Variants in FIG4 observed in about 807,000 individuals in gnomAD.
FIG4 encodes polyphosphoinositide phosphatase.
In FIG4, 112 loss-of-function variants were observed where a neutral mutation model predicts 118.6. The ratio of observed to expected loss-of-function variants is 0.94; its 90% CI spans 0.81 to 1.11. The LOEUF is 1.11. Ranked by LOEUF, FIG4 falls within the 50% of genes least tolerant of loss-of-function variation. FIG4 has a pLI of 0.00. For synonymous variants in FIG4, 369 were observed against 381.2 expected, an observed-to-expected ratio of 0.97 and a Z score of 0.37; for missense variants, 969 against 1,111.7, an observed-to-expected ratio of 0.87 and a Z score of 1.83.
chr6:109,802,873 C>G (rs564375884), intron 22 of FIG4, among the ~76,000 whole-genome samples: 20 of 152,310 alleles, frequency 1.3e-4, no homozygotes, highest in Non-Finnish European at 2.5e-4. Context: ...GTAAGAAGCT[C>G]CCAGCTGAAA....
At chr6:109,807,055 G>A (rs970478267) in intron 22 of FIG4, among the ~76,000 whole-genome samples, 2 of 152,020 alleles carry the variant, frequency 1.3e-5, no homozygotes, top group African/African-American at 4.8e-5. Context: ...AATAATGTGT[G>A]CACACAATAA....
chr6:109,818,356 A>G (rs1321961366), intron 22 of FIG4, among the ~76,000 whole-genome samples: 1 of 151,984 alleles, frequency 6.6e-6, no homozygotes, highest in Admixed American at 6.5e-5. Flanking sequence ...ATGCACCACC[A>G]TGCCCGGCTA....
In FIG4 at chr6:109,716,433, G is replaced by A; in HGVS notation, c.166-12G>A. On this transcript the variant is annotated splice_polypyrimidine_tract_variant and intron_variant, in intron 2 of 22. Transcript: ENST00000230124. ...AAGCACAACCTTACAGAGTAAATGT[G>A]CTTATTCTTAGCATGTCTATACTCA... 1 of 1,613,008 alleles carries A rather than the reference G, an allele frequency of 6.2e-7. No homozygotes were observed. The highest frequency in any genetic ancestry group is 8.5e-7 in the Non-Finnish European group (1 of 1,179,242).
intron 19 of FIG4, among the ~76,000 whole-genome samples, chr6:109,791,046 T>C (rs113005069): frequency 5.9e-5 from 9 of 152,328 alleles, no homozygotes; most frequent in African/African-American, 2.2e-4. Context: ...ACATACAGTC[T>C]TCTATAATTG....
At chr6:109,740,545 A>G (rs1776292374) in intron 7 of FIG4, among the ~76,000 whole-genome samples, 1 of 152,208 alleles carries the variant, frequency 6.6e-6, no homozygotes, top group African/African-American at 2.4e-5. Flanking sequence ...GTAAGGCGAC[A>G]TAACTAATAA....
At chr6:109,787,962 A>G (rs577444757) in intron 18 of FIG4, among the ~76,000 whole-genome samples, 1 of 152,318 alleles carries the variant, frequency 6.6e-6, no homozygotes, top group Admixed American at 6.5e-5. Flanking sequence ...CAATGGTGCA[A>G]AAGTTACATG....
chr6:109,748,147 T>C (rs6922064), intron 10 of FIG4, among the ~76,000 whole-genome samples: 7,831 of 152,206 alleles, frequency 0.051, 403 homozygotes, highest in East Asian at 0.23. Flanking sequence ...ACTAGAAACC[T>C]GCAGGAAGTA....
At chr6:109,710,732 T>C (rs1775231931) in intron 1 of FIG4, among the ~76,000 whole-genome samples, 1 of 152,218 alleles carries the variant, frequency 6.6e-6, no homozygotes, top group East Asian at 1.9e-4. Flanking sequence ...CAGGAATTTA[T>C]CTATTTCTTC....
chr6:109,719,648 C>A (rs935353943), intron 3 of FIG4, among the ~76,000 whole-genome samples: 1 of 152,126 alleles, frequency 6.6e-6, no homozygotes, highest in African/African-American at 2.4e-5. Flanking sequence ...CCTGCCTTGG[C>A]CTCCCAAAGT....
chr6:109,808,956 G>T (rs1778646573), intron 22 of FIG4, among the ~76,000 whole-genome samples: 2 of 152,102 alleles, frequency 1.3e-5, no homozygotes, highest in Non-Finnish European at 2.9e-5. Context: ...TTTTCCAAAT[G>T]ATCAATATAT....
intron 15 of FIG4, among the ~76,000 whole-genome samples, chr6:109,776,478 A>T (rs1486838630): frequency 6.6e-6 from 1 of 152,236 alleles, no homozygotes; most frequent in Non-Finnish European, 1.5e-5. Flanking sequence ...GTTGTGCAAC[A>T]GAATATGGAT....
At chr6:109,747,403 G>A (rs1776536009) in intron 10 of FIG4, among the ~76,000 whole-genome samples, 1 of 152,088 alleles carries the variant, frequency 6.6e-6, no homozygotes, top group Non-Finnish European at 1.5e-5. Flanking sequence ...AGAAAACCAG[G>A]AAGTGCTGTG....
chr6:109,708,361 T>C (rs1005073463), intron 1 of FIG4, among the ~76,000 whole-genome samples: 1 of 152,264 alleles, frequency 6.6e-6, no homozygotes, highest in African/African-American at 2.4e-5. Context: ...CTTTATCCAG[T>C]CTATCACTGA....
intron 15 of FIG4, among the ~76,000 whole-genome samples, chr6:109,775,491 T>C (rs1777591613): frequency 6.6e-6 from 1 of 152,216 alleles, no homozygotes; most frequent in African/African-American, 2.4e-5. Flanking sequence ...GGCTGAAAAG[T>C]GCAAAGCTTC....
intron 5 of FIG4, among the ~76,000 whole-genome samples, chr6:109,733,394 G>T (rs909290934): frequency 1.3e-5 from 2 of 151,984 alleles, no homozygotes; most frequent in Non-Finnish European, 2.9e-5. Context: ...TGCAATTATT[G>T]TGATAGATGG....
chr6:109,756,172 A>G (rs1384349160), intron 10 of FIG4, among the ~76,000 whole-genome samples: 1 of 152,014 alleles, frequency 6.6e-6, no homozygotes, highest in African/African-American at 2.4e-5. Context: ...TCTGTAAAGT[A>G]TTTTATTTCT....
At chr6:109,785,062 A>C in intron 17 of FIG4, 34 bp downstream of exon 17, 1 of 1,274,188 alleles carries the variant, frequency 7.8e-7, no homozygotes, top group Non-Finnish European at 1.2e-6. Flanking sequence ...TTTTTACACT[A>C]ACATATTTTG....
At chr6:109,735,358 T>C in intron 6 of FIG4, 60 bp downstream of exon 6, 3 of 1,456,820 alleles carry the variant, frequency 2.1e-6, no homozygotes, top group South Asian at 1.1e-5. Context: ...TGATATCTTA[T>C]TAAATTCACT....
chr6:109,713,043 T>C (rs1775315997), intron 1 of FIG4, among the ~76,000 whole-genome samples: 1 of 152,202 alleles, frequency 6.6e-6, no homozygotes, highest in Non-Finnish European at 1.5e-5. Flanking sequence ...GCTCTAACTC[T>C]GGAATACTCG....
Sources: allele counts gnomAD v4.1 joint callset (sites outside exome capture counted in the v4.1 genomes callset), GRCh38; gene constraint gnomAD v4.1.1; transcripts MANE v1.5; gene names NCBI Gene and HGNC (gene_info 2026-07-23, HGNC 2026-07-21).